The following INPP4B variants were observed in gnomAD, a reference collection of about 807,000 sequenced individuals.
INPP4B encodes inositol polyphosphate 4-phosphatase type II.
In INPP4B, 55 loss-of-function variants were observed where a neutral mutation model predicts 122.5. That is an observed-to-expected ratio of 0.45 (90% confidence interval 0.36 to 0.56). INPP4B has a LOEUF of 0.56. Among genes scored for constraint, INPP4B ranks in the 20% least tolerant of loss-of-function variants. The pLI is 0.00. For synonymous variants in INPP4B, 403 were observed against 388.7 expected (o/e 1.04, Z -0.43); for missense variants, 1,000 against 1,097.7 (o/e 0.91, Z 1.26).
chr4:142,841,832 TA>T (rs1209154370), intron 1 of INPP4B, among the ~76,000 whole-genome samples: 2 of 151,940 alleles, frequency 1.3e-5, no homozygotes, highest in Non-Finnish European at 3.0e-5. Context: ...GCATGACAAT[TA>T]AAGTTGTCTG....
intron 2 of INPP4B, chr4:142,560,724 T>C (rs547627773): frequency 6.6e-6 from 1 of 152,334 alleles, no homozygotes; most frequent in Admixed American, 6.5e-5. Context: ...CTTTCCAACA[T>C]CTTCTGCCTG....
intron 3 of INPP4B, among the ~76,000 whole-genome samples, chr4:142,451,001 A>G (rs898885158): frequency 6.7e-6 from 1 of 149,916 alleles, no homozygotes; most frequent in African/African-American, 2.5e-5. Flanking sequence ...AGTATAACCT[A>G]TCAATGTAGC....
chr4:142,131,517 T>C (rs1245917128), intron 18 of INPP4B, among the ~76,000 whole-genome samples: 1 of 152,250 alleles, frequency 6.6e-6, no homozygotes, highest in Non-Finnish European at 1.5e-5. Context: ...ATGCATGAAA[T>C]GTGTAGTTGC....
At chr4:142,790,831 T>C (rs187532446) in intron 1 of INPP4B, among the ~76,000 whole-genome samples, 25 of 151,916 alleles carry the variant, frequency 1.6e-4, no homozygotes, top group African/African-American at 6.0e-4. Flanking sequence ...CAATGTCCTA[T>C]TTTTTTCTTT....
intron 23 of INPP4B, among the ~76,000 whole-genome samples, chr4:142,093,209 G>T (rs1313880799): frequency 3.3e-5 from 5 of 152,134 alleles, no homozygotes; most frequent in African/African-American, 1.2e-4. Context: ...CAGCCTTTGA[G>T]TGAGGTTATC....
At chr4:142,815,248 C>T (rs1779979841) in intron 1 of INPP4B, among the ~76,000 whole-genome samples, 1 of 151,914 alleles carries the variant, frequency 6.6e-6, no homozygotes, top group Admixed American at 6.6e-5. Flanking sequence ...CCTCAGGAGG[C>T]ATAACAACTA....
intron 17 of INPP4B, 66 bp from the exon 18 acceptor site, chr4:142,146,062 A>G: frequency 6.5e-7 from 1 of 1,544,922 alleles, no homozygotes; most frequent in African/African-American, 1.4e-5. Context: ...AAGTCGGATA[A>G]ATCTATTTTA....
intron 2 of INPP4B, among the ~76,000 whole-genome samples, chr4:142,493,315 G>A (rs1159045273): frequency 6.6e-6 from 1 of 152,188 alleles, no homozygotes; most frequent in Non-Finnish European, 1.5e-5. Flanking sequence ...AGTCCCCACT[G>A]CAGCACTGCT....
chr4:142,598,485 G>A (rs965536069), intron 2 of INPP4B, among the ~76,000 whole-genome samples: 1 of 152,090 alleles, frequency 6.6e-6, no homozygotes, highest in Non-Finnish European at 1.5e-5. Flanking sequence ...CATCCTGTAA[G>A]TCCCCATTGA....
intron 7 of INPP4B, chr4:142,383,711 A>G: frequency 5.2e-6 from 1 of 190,534 alleles, no homozygotes; most frequent in Non-Finnish European, 1.1e-5. Flanking sequence ...GTTTTTGGAC[A>G]TGTGTAGTAA....
chr4:142,172,835 T>C (rs1439346161), intron 16 of INPP4B, among the ~76,000 whole-genome samples: 1 of 152,018 alleles, frequency 6.6e-6, no homozygotes, highest in Admixed American at 6.6e-5. Flanking sequence ...TCCAACGGCA[T>C]ATTTACTGAA....
intron 1 of INPP4B, among the ~76,000 whole-genome samples, chr4:142,783,563 G>A (rs1775237899): frequency 6.6e-6 from 1 of 152,034 alleles, no homozygotes; most frequent in Admixed American, 6.6e-5. Context: ...TTCTCTCTTA[G>A]TTTTTAGTTT....
At chr4:142,521,377 A>G (rs1324260992) in intron 2 of INPP4B, among the ~76,000 whole-genome samples, 1 of 152,030 alleles carries the variant, frequency 6.6e-6, no homozygotes, top group Non-Finnish European at 1.5e-5. Flanking sequence ...TGCAGCAAAG[A>G]AAATTCTTGT....
chr4:142,029,698 C>T, intron 25 of INPP4B: 1 of 985,864 alleles, frequency 1.0e-6, no homozygotes, highest in African/African-American at 1.7e-5. Flanking sequence ...CAGCAGATGG[C>T]ATCTATGATA....
intron 2 of INPP4B, among the ~76,000 whole-genome samples, chr4:142,683,243 C>T (rs1220086299): frequency 6.6e-6 from 1 of 151,806 alleles, no homozygotes; most frequent in Non-Finnish European, 1.5e-5. Flanking sequence ...GGAGGAATAC[C>T]AGTTGTTCTA....
At chr4:142,797,744 G>A (rs542059947) in intron 1 of INPP4B, among the ~76,000 whole-genome samples, 19 of 151,886 alleles carry the variant, frequency 1.3e-4, no homozygotes, top group African/African-American at 4.3e-4. Flanking sequence ...TAAAATTAGA[G>A]TAATGCATTA....
intron 7 of INPP4B, among the ~76,000 whole-genome samples, chr4:142,376,722 T>G (rs1473083320): frequency 6.6e-6 from 1 of 152,006 alleles, no homozygotes; most frequent in African/African-American, 2.4e-5. Flanking sequence ...ACCTTAATAC[T>G]GTTCCTGAGA....
At chr4:142,184,225 G>C (rs1301895613) in intron 15 of INPP4B, among the ~76,000 whole-genome samples, 1 of 152,104 alleles carries the variant, frequency 6.6e-6, no homozygotes, top group Non-Finnish European at 1.5e-5. Context: ...TCACAACTTG[G>C]AGGTGTTAAA....
chr4:142,313,110 G>A (rs1394985125), intron 8 of INPP4B, among the ~76,000 whole-genome samples: 1 of 152,054 alleles, frequency 6.6e-6, no homozygotes, highest in Non-Finnish European at 1.5e-5. Context: ...GTGGGAGGAG[G>A]TAGAAGAAAA....
Sources: gnomAD v4.1 joint callset for allele counts (sites outside exome capture counted in the v4.1 genomes callset) on GRCh38, gnomAD v4.1.1 for gene constraint, MANE v1.5 for transcripts, NCBI Gene and HGNC (gene_info 2026-07-23, HGNC 2026-07-21) for gene names.